CROCC2: variants seen among roughly 807,000 people sequenced by gnomAD.
CROCC2 encodes the protein ciliary rootlet coiled-coil, rootletin family member 2, also known as ciliary rootlet coiled-coil protein 2.
Under a neutral mutation model 177.6 loss-of-function variants are expected in CROCC2, and 163 were observed. That is an observed-to-expected ratio of 0.92 (90% CI 0.81 to 1.05). CROCC2 has a LOEUF of 1.05. Among genes scored for constraint, CROCC2 ranks in the 50% least tolerant of loss-of-function variants. The pLI is 0.00. For missense variants in CROCC2, 1,929 were observed against 1,797.8 expected, an observed-to-expected ratio of 1.07 and a Z score of -1.32; for synonymous variants, 904 against 787.3, an observed-to-expected ratio of 1.15 and a Z score of -2.48.
intron 19 of CROCC2, among the ~76,000 whole-genome samples, chr2:240,956,779 T>C (rs1217258076): frequency 6.6e-6 from 1 of 152,198 alleles, no homozygotes; most frequent in Non-Finnish European, 1.5e-5. Flanking sequence ...CCCACTGTTA[T>C]TGCTTGCAGA....
Position 240,988,834 on chromosome 2 carries a change from G to T in CROCC2, c.4647G>T (p.Glu1549Asp), listed in dbSNP as rs1411697251. ...AGTCTCTGAACAGCCTGCACCAGGA[G>T]GTGGACGGAGCCCTGAGGCAAAATC... ...LDQSLNSLHQ[E>D]VDGALRQNQQ... Residue 1549 changes from glutamate (E) to aspartate (D), a missense_variant, in exon 29 of 32, where the codon GAG (glutamate) becomes GAT (aspartate). By Grantham distance (45) the Glu-to-Asp change is conservative. Around this residue, in one of 3 missense-constraint regions of CROCC2, gnomAD observed 388 missense variants for 352.7 expected, o/e 1.10. Transcript: ENST00000690015. The T allele has an allele frequency of 6.6e-7, 1 of 1,505,008 alleles. No homozygotes were observed. Among genetic ancestry groups the T allele is most frequent in the Admixed American group, 2.1e-5 (1 of 47,078 alleles). 93.2% of individuals were successfully genotyped at this position (1,505,008 alleles called of 1,614,324 possible). A position where few individuals can be genotyped will look rare whatever the true frequency, so the allele number is the denominator to read the frequency against.
At chr2:240,933,886 C>T in intron 11 of CROCC2, 34 bp downstream of exon 11, 1 of 1,530,034 alleles carries the variant, frequency 6.5e-7, no homozygotes, top group African/African-American at 1.4e-5. Flanking sequence ...CAGGGCCCCT[C>T]CCACAGAAGA....
At chr2:240,959,576 C>A in intron 20 of CROCC2, 132 bp downstream of exon 20, 1 of 1,231,740 alleles carries the variant, frequency 8.1e-7, no homozygotes, top group Non-Finnish European at 1.1e-6. Flanking sequence ...AAGAGTAGTC[C>A]CTGGGACTAG....
Position 240,991,121 on chromosome 2 carries a change from C to G in CROCC2, c.4864-75C>G, listed in dbSNP as rs6761845. ...CCTCCAGCCCTTCCTGTCACAGAGC[C>G]CTCCATGCCTCTATGCCCTGGGGCC... On this transcript the variant is annotated intron_variant, in intron 30 of 31. Transcript: ENST00000690015. 42 of 1,107,848 alleles carry G rather than the reference C, an allele frequency of 3.8e-5. No individual in the cohort carries two copies. The East Asian group carries it at 8.2e-4, about 22-fold the overall frequency. The allele number at this position is 1,107,848 out of a possible 1,614,324, so 68.6% of individuals were successfully genotyped here.
intron 28 of CROCC2, chr2:240,983,565 C>G: frequency 7.8e-7 from 1 of 1,277,452 alleles, no homozygotes; most frequent in Non-Finnish European, 1.0e-6. Context: ...GCGCTGCGCG[C>G]TCAGCTCGCA....
At chr2:240,935,617 C>G in intron 14 of CROCC2, 29 bp downstream of exon 14, 1 of 1,371,306 alleles carries the variant, frequency 7.3e-7, no homozygotes, top group African/African-American at 1.5e-5. Flanking sequence ...CATGCTGCCG[C>G]CGTCTGGGAT....
At chr2:240,964,701 C>A in intron 22 of CROCC2, 76 bp downstream of exon 22, 1 of 1,459,576 alleles carries the variant, frequency 6.9e-7, no homozygotes, top group Non-Finnish European at 9.2e-7. Context: ...CCCAGGGGAG[C>A]CCCCAGCCCT....
chr2:240,913,865 C>T (rs2059302320), intron 1 of CROCC2, among the ~76,000 whole-genome samples: 1 of 152,248 alleles, frequency 6.6e-6, no homozygotes, highest in South Asian at 2.1e-4. Context: ...CTGCGGCGGG[C>T]CGGGCTGCGG....
intron 6 of CROCC2, among the ~76,000 whole-genome samples, 189 bp from the exon 7 acceptor site, chr2:240,930,742 C>T (rs550493436): frequency 6.6e-6 from 1 of 152,240 alleles, no homozygotes; most frequent in South Asian, 2.1e-4. Context: ...CAACCTGGTC[C>T]TGCCCCTGCT....
Position 240,965,675 on chromosome 2 carries a change from G to A in CROCC2, c.3643G>A (p.Ala1215Thr), listed in dbSNP as rs112238567. 143 of 1,550,420 alleles carry A rather than the reference G, an allele frequency of 9.2e-5. 3 individuals carry two copies. The African/African-American group carries it at 1.3e-3, about 14-fold the overall frequency. The change falls in exon 24 of 32, where the codon GCA becomes ACA. Residue 1215 changes from alanine to threonine, a missense_variant. Physicochemically the swap from Ala to Thr is moderately conservative, Grantham distance 58. Around this residue, in one of 3 missense-constraint regions of CROCC2, gnomAD observed 144 missense variants for 205.2 expected, o/e 0.70. Transcript: ENST00000690015. ...GAGGAAGTTGGCAGAGGTGGAGGCC[G>A]CAGGGGAGGCCCATGGACAGCGGCT... ...LQRKLAEVEAAGEAHGQRLQE... is the reference protein window; with the variant it reads ...LQRKLAEVEATGEAHGQRLQE...
rs779774769 is a variant in CROCC2, at chr2:240,958,218, G to A, written c.2944-1083G>A. On this transcript the variant is annotated intron_variant, in intron 19 of 31. Transcript: ENST00000690015. This position sits in a 1 kb window ranked among gnomAD's most constrained non-coding sequence, Gnocchi z 6.7. ...CCTAGGCTGAGTCACCACTGCCATC[G>A]GGCTCCCAGCCGATGCCCTGTCCCT... The A allele has an allele frequency of 8.6e-5, 85 of 983,480 alleles. No homozygotes were observed. In the East Asian group the frequency reaches 1.3e-3, roughly 14 times the overall value. 60.9% of individuals were successfully genotyped at this position (983,480 alleles called of 1,614,324 possible).
chr2:240,933,632 G>A, intron 10 of CROCC2, 38 bp from the exon 11 acceptor site: 1 of 1,545,300 alleles, frequency 6.5e-7, no homozygotes, highest in Non-Finnish European at 8.7e-7. Context: ...CCTTGAATGT[G>A]TCCAGGGCCG....
chr2:240,935,330 A>T (rs1291588086), intron 13 of CROCC2, 28 bp from the exon 14 acceptor site: 2 of 1,339,446 alleles, frequency 1.5e-6, no homozygotes, highest in South Asian at 4.3e-5. Flanking sequence ...GGGGGAGTGG[A>T]TGCAGAGCCC....
rs1263856515 is a variant in CROCC2, at chr2:240,918,247, C to G, written c.79-479C>G. Among the ~76,000 whole-genome samples the G allele has an allele frequency of 6.6e-6, 1 of 152,198 alleles. No individual in the cohort carries two copies. The highest frequency in any genetic ancestry group is 2.4e-5 in the African/African-American group (1 of 41,440). ...CAGCCCCCACCCCCCAACAAACACA[C>G]ACAAACACACTGGGCTCTGTGACTG... On this transcript the variant is annotated intron_variant, in intron 1 of 31. Transcript: ENST00000690015. This position sits in a 1 kb window ranked among gnomAD's most constrained non-coding sequence, Gnocchi z 6.3.
Position 240,931,019 on chromosome 2 carries a change from TCGGCCAGCAGCA to T in CROCC2, c.848_859del (p.Ser283_Ser286del), listed in dbSNP as rs2059426327. ...GAACCTCGACTCCAACCTGCGGCTGTCGGCCAGCAGCACGGCCAGCACCCTGGGGCAGCAGCT... is the reference window on the plus strand; with the variant it reads ...GAACCTCGACTCCAACCTGCGGCTGTCGGCCAGCACCCTGGGGCAGCAGCT... On this transcript the variant is annotated inframe_deletion, in exon 7 of 32. Coordinates refer to ENST00000690015, the MANE Select transcript of CROCC2 (RefSeq NM_001351305.2). 5.6e-6 allele frequency: 4 copies of T among 716,384 alleles called. No individual in the cohort carries two copies. Among genetic ancestry groups the T allele is most frequent in the Non-Finnish European group, 1.0e-5 (4 of 384,836 alleles). The allele number at this position is 716,384 out of a possible 1,614,324, so 44.4% of individuals were successfully genotyped here.
At chr2:240,926,602 T>C (rs930091421) in intron 5 of CROCC2, among the ~76,000 whole-genome samples, 13 of 152,176 alleles carry the variant, frequency 8.5e-5, no homozygotes, top group Non-Finnish European at 1.9e-4. Flanking sequence ...CCCCGGAAGA[T>C]GTGCTGCGCC....
intron 1 of CROCC2, among the ~76,000 whole-genome samples, chr2:240,913,339 C>T (rs557106401): frequency 9.2e-5 from 14 of 152,258 alleles, no homozygotes; most frequent in African/African-American, 3.4e-4. Flanking sequence ...TCTTATCCCA[C>T]CTCCCCCAGG....
Position 240,982,886 on chromosome 2 carries a change from C to T in CROCC2, c.4408C>T (p.Leu1470=). Residue 1470 remains leucine, a synonymous_variant, in exon 28 of 32, where the codon CTG becomes TTG. Transcript: ENST00000690015. This position sits in a 1 kb window ranked among gnomAD's most constrained non-coding sequence, Gnocchi z 4.7. The part of the protein sequence containing the change: ...GQEKRRLQEQ[L]ETLRQALEES... ...TGTGTCTCCTTCCCCCCAGGAGCAA[C>T]TGGAAACGCTGCGCCAGGCTCTTGA... 1 of 1,548,372 alleles carries T rather than the reference C, an allele frequency of 6.5e-7. No individual in the cohort carries two copies. The highest frequency in any genetic ancestry group is 8.7e-7 in the Non-Finnish European group (1 of 1,146,030).
intron 4 of CROCC2, among the ~76,000 whole-genome samples, chr2:240,923,136 G>A (rs895429087): frequency 1.6e-4 from 24 of 152,048 alleles, no homozygotes; most frequent in African/African-American, 4.8e-4. Flanking sequence ...AGCCTTCCAC[G>A]TGGCAGCCTC....
Sources: allele counts gnomAD v4.1 joint callset (sites outside exome capture counted in the v4.1 genomes callset), GRCh38; gene constraint gnomAD v4.1.1; regional missense constraint gnomAD v4.1.1; non-coding constraint Gnocchi (gnomAD v3.1); transcripts MANE v1.5; gene names NCBI Gene and HGNC (gene_info 2026-07-23, HGNC 2026-07-21).